Variants in H2BC18 observed in about 807,000 individuals in gnomAD.
The protein encoded by H2BC18 is H2B clustered histone 18.
H2BC18 carries 8 observed loss-of-function variants against 6.3 expected under a neutral mutation model. The ratio of observed to expected loss-of-function variants is 1.28; its 90% CI spans 0.75 to 2.31. The LOEUF (loss-of-function observed/expected upper bound fraction) is 2.31, where lower values mean the gene tolerates loss of function less well. Ranked by LOEUF, H2BC18 falls within the 30% of genes most tolerant of loss-of-function variation. H2BC18 has a pLI of 0.00. For synonymous variants in H2BC18, 104 were observed against 78.1 expected (o/e 1.33, Z -1.75); for missense variants, 106 against 174.5 (o/e 0.61, Z 2.21).
At chr1:149,785,777 G>C (rs1306576434) in intron 1 of H2BC18, 1 of 151,976 alleles carries the variant, frequency 6.6e-6, no homozygotes, top group Non-Finnish European at 1.5e-5. Flanking sequence ...ATCTATTTTA[G>C]ACATTTCCAG....
At chr1:149,790,550 T>C in intron 1 of H2BC18, 2 of 1,000,568 alleles carry the variant, frequency 2.0e-6, no homozygotes, top group Non-Finnish European at 1.4e-6. Flanking sequence ...TTCTTTTTCC[T>C]TTGCCTTTCC....
At chr1:149,804,604 A>G (rs1182423354) in intron 1 of H2BC18, among the ~76,000 whole-genome samples, 2 of 151,844 alleles carry the variant, frequency 1.3e-5, no homozygotes, top group Admixed American at 6.6e-5. Flanking sequence ...CTTCCTAACC[A>G]TAACAATAAT....
chr1:149,789,197 G>C (rs1269822581), intron 1 of H2BC18, among the ~76,000 whole-genome samples: 3 of 151,406 alleles, frequency 2.0e-5, no homozygotes, highest in Admixed American at 1.3e-4. Flanking sequence ...CTGTGGGAAA[G>C]AAATTATTGT....
At chr1:149,811,659 C>T, downstream of H2BC18, 1 of 515,142 alleles carries the variant, frequency 1.9e-6, no homozygotes, top group Non-Finnish European at 3.5e-6. Context: ...CCATCCCTCC[C>T]AAATATCCCA....
chr1:149,790,917 T>TG (rs199859873), intron 1 of H2BC18, among the ~76,000 whole-genome samples: 2 of 151,834 alleles, frequency 1.3e-5, no homozygotes, highest in African/African-American at 2.4e-5. Flanking sequence ...AAAGTCTCCT[T>TG]GGGGGGGAAA....
chr1:149,807,528 G>C (rs1325960227), downstream of H2BC18, among the ~76,000 whole-genome samples: 1 of 16,222 alleles, frequency 6.2e-5, no homozygotes, highest in Non-Finnish European at 1.2e-4. Flanking sequence ...GGGGGGGGGC[G>C]GGCATGGTGG....
At chr1:149,799,431 A>G (rs1553753076) in intron 1 of H2BC18, among the ~76,000 whole-genome samples, 1 of 152,190 alleles carries the variant, frequency 6.6e-6, no homozygotes, top group African/African-American at 2.4e-5. Flanking sequence ...AGAATTTAAT[A>G]GGACCTTGCA....
intron 1 of H2BC18, among the ~76,000 whole-genome samples, chr1:149,789,498 G>A (rs2091645727): frequency 6.6e-6 from 1 of 152,172 alleles, no homozygotes; most frequent in Non-Finnish European, 1.5e-5. Context: ...AAAGGGCATG[G>A]TTACTGACCA....
chr1:149,809,134 G>C (rs1238146168), downstream of H2BC18, among the ~76,000 whole-genome samples: 2 of 128,178 alleles, frequency 1.6e-5, no homozygotes, highest in African/African-American at 3.1e-5. Flanking sequence ...CATGTGCAGT[G>C]TTCTCTGGAT....
At chr1:149,809,372 A>G (rs1553754196), downstream of H2BC18, among the ~76,000 whole-genome samples, 2 of 151,114 alleles carry the variant, frequency 1.3e-5, no homozygotes, top group African/African-American at 2.4e-5. Context: ...TTTTGAATCT[A>G]TAACAGTTGT....
rs374741011 is a variant in H2BC18, at chr1:149,791,515, T to G, written c.378-8255A>C. ...CCGGAAGGAGCCCCAGGGGGCCACG[T>G]AGCAGCGGCTCAGTGGGTGGCCATC... On this transcript the variant is annotated intron_variant, in intron 1 of 1. Coordinates refer to the H2BC18 transcript ENST00000545683. 196 of 1,610,406 alleles carry G rather than the reference T, an allele frequency of 1.2e-4. No individual in the cohort carries two copies. In the African/African-American group the frequency reaches 2.3e-3, roughly 19 times the overall value.
intron 1 of H2BC18, chr1:149,785,842 A>G (rs1553750792): frequency 6.6e-6 from 1 of 152,114 alleles, no homozygotes; most frequent in African/African-American, 2.4e-5. Context: ...ACTGACTTCC[A>G]GCACCATAGG....
intron 1 of H2BC18, among the ~76,000 whole-genome samples, chr1:149,804,635 A>G (rs2091901720): frequency 6.6e-6 from 1 of 150,904 alleles, no homozygotes; most frequent in Non-Finnish European, 1.5e-5. Flanking sequence ...CTGATCAAAT[A>G]TTTACCATGT....
In H2BC18 at chr1:149,788,644, T is replaced by C. The variant is rs1553751229; in HGVS notation, c.378-5384A>G. On this transcript the variant is annotated intron_variant, in intron 1 of 1. Transcript: ENST00000545683. The stretch of plus-strand genomic sequence containing the variant: ...TATTGTATTGGAATAGTCATAGAAC[T>C]GATAGTCCCTCCCCCTGAGGGACCA... 8.7e-6 allele frequency: 14 copies of C among 1,613,728 alleles called. No homozygotes were observed. The Admixed American group carries it at 1.8e-4, about 21-fold the overall frequency.
intron 1 of H2BC18, chr1:149,792,703 T>C (rs1571401801): frequency 7.8e-7 from 1 of 1,283,032 alleles, no homozygotes; most frequent in East Asian, 5.6e-5. Context: ...CGGCGAAAGC[T>C]GTTGGGCGCG....
chr1:149,791,405 T>C lies in H2BC18; in HGVS notation c.378-8145A>G, dbSNP rs1050208. On this transcript the variant is annotated intron_variant, in intron 1 of 1. Coordinates refer to the H2BC18 transcript ENST00000545683. ...GATTCTGGTCATGAGAAGAAGGTAA[T>C]TTCCAGCCTTCAAGAAGACAGACAT... The C allele has an allele frequency of 4.2e-3, 6,787 of 1,599,558 alleles. 326 individuals are homozygous for C. Among genetic ancestry groups the C allele is most frequent in the Non-Finnish European group, 4.6e-3 (5,459 of 1,174,642 alleles).
At chr1:149,792,583 C>G (rs1553752123) in intron 1 of H2BC18, 1 of 1,195,838 alleles carries the variant, frequency 8.4e-7, no homozygotes, top group Non-Finnish European at 1.1e-6. Flanking sequence ...CGTCGCGCTC[C>G]GAGCGTGTCC....
intron 1 of H2BC18, chr1:149,788,297 C>T: frequency 6.2e-7 from 1 of 1,610,130 alleles, no homozygotes; most frequent in Non-Finnish European, 8.5e-7. Flanking sequence ...AGGAAGCCCA[C>T]AGGGCCAAGC....
At chr1:149,806,633 G>C (rs1198786377) in intron 1 of H2BC18, among the ~76,000 whole-genome samples, 1 of 152,038 alleles carries the variant, frequency 6.6e-6, no homozygotes. Context: ...ATACCAAGAA[G>C]TGAGGAAAGA....
Sources: gnomAD v4.1 joint callset for allele counts (sites outside exome capture counted in the v4.1 genomes callset) on GRCh38, gnomAD v4.1.1 for gene constraint, MANE v1.5 for transcripts, NCBI Gene and HGNC (gene_info 2026-07-23, HGNC 2026-07-21) for gene names.